LHFPL6: variants seen among roughly 807,000 people sequenced by gnomAD.
LHFPL6 encodes the protein LHFPL tetraspan subfamily member 6 protein.
Under a neutral mutation model 20.6 loss-of-function variants are expected in LHFPL6, and 9 were observed. That is an observed-to-expected ratio of 0.44 (90% CI 0.26 to 0.76). The LOEUF (loss-of-function observed/expected upper bound fraction) is 0.76. Among genes scored for constraint, LHFPL6 ranks in the 30% least tolerant of loss-of-function variants. LHFPL6 has a pLI of 0.20. For synonymous variants in LHFPL6, 105 were observed against 98.7 expected (o/e 1.06, Z -0.38); for missense variants, 218 against 253.5 (o/e 0.86, Z 0.95).
At chr13:39,351,142 T>C (rs1869558630) in intron 3 of LHFPL6, among the ~76,000 whole-genome samples, 1 of 152,200 alleles carries the variant, frequency 6.6e-6, no homozygotes, top group South Asian at 2.1e-4. Context: ...CAACAACCGA[T>C]ACACATTTGT....
At position 39,437,901 on chromosome 13, in the gene LHFPL6, CA is replaced by C. The variant is rs71077298; in HGVS notation, c.386-59376del. Among the ~76,000 whole-genome samples, 98 of 133,446 alleles carry C rather than the reference CA, an allele frequency of 7.3e-4. 1 individual carries two copies. Among genetic ancestry groups the C allele is most frequent in the African/African-American group, 2.0e-3 (68 of 34,866 alleles). The allele number at this position is 133,446 out of a possible 152,430, so 87.5% of individuals were successfully genotyped here. A position where few individuals can be genotyped will look rare whatever the true frequency, so the allele number is the denominator to read the frequency against. On this transcript the variant is annotated intron_variant, in intron 2 of 3. Coordinates refer to ENST00000379589, the MANE Select transcript of LHFPL6 (RefSeq NM_005780.3). ...TGGGTGACAGAGCGAGACTCCGTCT[CA>C]AAAAAAAAAAAAAGGATTAAATAAT...
chr13:39,489,362 G>C (rs1868835525), intron 2 of LHFPL6, among the ~76,000 whole-genome samples: 1 of 152,144 alleles, frequency 6.6e-6, no homozygotes, highest in Non-Finnish European at 1.5e-5. Flanking sequence ...CACTGTTCCT[G>C]ATCAGGAGTG....
At chr13:39,453,453 AC>A (rs1260447920) in intron 2 of LHFPL6, among the ~76,000 whole-genome samples, 1 of 151,986 alleles carries the variant, frequency 6.6e-6, no homozygotes, top group Non-Finnish European at 1.5e-5. Context: ...AAAATAGAGA[AC>A]CCTTTATCTC....
intron 2 of LHFPL6, among the ~76,000 whole-genome samples, chr13:39,588,070 G>A (rs904342001): frequency 1.3e-5 from 2 of 152,084 alleles, no homozygotes; most frequent in African/African-American, 4.8e-5. Flanking sequence ...AGCCAAGCAG[G>A]GAAAGGTCGG....
intron 2 of LHFPL6, among the ~76,000 whole-genome samples, chr13:39,583,075 A>G (rs374697431): frequency 9.9e-5 from 15 of 152,242 alleles, no homozygotes; most frequent in African/African-American, 3.4e-4. Context: ...GGGAGTTACA[A>G]TCAGAGAAGA....
chr13:39,516,060 A>G (rs9566447), intron 2 of LHFPL6, among the ~76,000 whole-genome samples: 13,022 of 152,234 alleles, frequency 0.086, 639 homozygotes, highest in East Asian at 0.25. Flanking sequence ...AGCATATCCT[A>G]TAAGACTCAG....
chr13:39,422,886 C>A (rs560001711), intron 2 of LHFPL6, among the ~76,000 whole-genome samples: 5 of 151,926 alleles, frequency 3.3e-5, no homozygotes, highest in Non-Finnish European at 5.9e-5. Flanking sequence ...ACAATCATGG[C>A]GGAAGGGGAA....
intron 2 of LHFPL6, among the ~76,000 whole-genome samples, chr13:39,379,165 C>T (rs1458095055): frequency 2.0e-5 from 3 of 152,152 alleles, no homozygotes; most frequent in African/African-American, 7.2e-5. Flanking sequence ...GTTTTGATGA[C>T]TAAACCAAAG....
At chr13:39,456,819 CAG>C (rs1872582549) in intron 2 of LHFPL6, among the ~76,000 whole-genome samples, 2 of 149,236 alleles carry the variant, frequency 1.3e-5, no homozygotes, top group African/African-American at 5.0e-5. Flanking sequence ...TTTTTTGAGA[CAG>C]AGTCTTGCTC....
chr13:39,596,078 G>A (rs951388112), intron 2 of LHFPL6, among the ~76,000 whole-genome samples: 2 of 151,808 alleles, frequency 1.3e-5, no homozygotes, highest in African/African-American at 4.8e-5. Flanking sequence ...CTTGTGTCTG[G>A]TATAAAAAAT....
chr13:39,398,939 G>A (rs1466421709), intron 2 of LHFPL6, among the ~76,000 whole-genome samples: 1 of 152,146 alleles, frequency 6.6e-6, no homozygotes, highest in Non-Finnish European at 1.5e-5. Context: ...TGGAAAAATT[G>A]TCTCCACAAA....
chr13:39,570,189 C>A (rs1458122121), intron 2 of LHFPL6, among the ~76,000 whole-genome samples: 1 of 152,138 alleles, frequency 6.6e-6, no homozygotes, highest in African/African-American at 2.4e-5. Flanking sequence ...GTCACCCAGG[C>A]TGGAGTTCAG....
At chr13:39,395,530 C>A (rs17059793) in intron 2 of LHFPL6, among the ~76,000 whole-genome samples, 9,566 of 152,238 alleles carry the variant, frequency 0.063, 306 homozygotes, top group African/African-American at 0.09. Flanking sequence ...CTGATAAGGA[C>A]GTCTGCATTC....
At chr13:39,529,399 C>T (rs1339203867) in intron 2 of LHFPL6, among the ~76,000 whole-genome samples, 2 of 152,154 alleles carry the variant, frequency 1.3e-5, no homozygotes, top group African/African-American at 4.8e-5. Flanking sequence ...GCCCAATTCC[C>T]TTATTTCTAT....
At chr13:39,538,889 A>G (rs972646397) in intron 2 of LHFPL6, among the ~76,000 whole-genome samples, 1 of 152,208 alleles carries the variant, frequency 6.6e-6, no homozygotes, top group Non-Finnish European at 1.5e-5. Context: ...TTCATCTACC[A>G]TGGAGTTATT....
chr13:39,526,445 T>G (rs545614343), intron 2 of LHFPL6, among the ~76,000 whole-genome samples: 1 of 152,306 alleles, frequency 6.6e-6, no homozygotes, highest in East Asian at 1.9e-4. Context: ...TAGAAATAGA[T>G]GGAGTTAACG....
At chr13:39,399,069 T>C (rs1366470429) in intron 2 of LHFPL6, among the ~76,000 whole-genome samples, 1 of 152,174 alleles carries the variant, frequency 6.6e-6, no homozygotes, top group African/African-American at 2.4e-5. Context: ...TCCTAGTGCC[T>C]TCCTAGTGCC....
chr13:39,522,024 C>T (rs1162368137), intron 2 of LHFPL6, among the ~76,000 whole-genome samples: 1 of 152,196 alleles, frequency 6.6e-6, no homozygotes, highest in Non-Finnish European at 1.5e-5. Context: ...TCACCCCAAA[C>T]CCCTAGTACA....
chr13:39,410,413 G>C (rs1871218614), intron 2 of LHFPL6, among the ~76,000 whole-genome samples: 1 of 152,144 alleles, frequency 6.6e-6, no homozygotes, highest in African/African-American at 2.4e-5. Flanking sequence ...CAAGTAGGGT[G>C]GTCTCCAGTA....
Sources: gnomAD v4.1 joint callset for allele counts (sites outside exome capture counted in the v4.1 genomes callset) on GRCh38, gnomAD v4.1.1 for gene constraint, MANE v1.5 for transcripts, NCBI Gene and HGNC (gene_info 2026-07-23, HGNC 2026-07-21) for gene names.